Variants in NTM observed in about 807,000 individuals in gnomAD.
NTM encodes the protein neurotrimin.
In NTM, 13 loss-of-function variants were observed where a neutral mutation model predicts 42.1. That is an observed-to-expected ratio of 0.31 (90% CI 0.20 to 0.49). NTM has a LOEUF of 0.49. NTM is among the 20% of genes least tolerant of loss of function. The probability of loss-of-function intolerance (pLI) is 0.99; values close to 1 mark genes in which losing one functional copy is unlikely to be tolerated. For synonymous variants in NTM, 187 were observed against 179.2 expected (o/e 1.04, Z -0.35); for missense variants, 373 against 452.8 (o/e 0.82, Z 1.60).
chr11:131,696,332 G>A (rs957764679), intron 1 of NTM, among the ~76,000 whole-genome samples: 2 of 152,252 alleles, frequency 1.3e-5, no homozygotes, highest in African/African-American at 4.8e-5. Context: ...TTTTGTATGG[G>A]AGTCTCAAGT....
At chr11:131,606,648 C>G (rs897061822) in intron 1 of NTM, among the ~76,000 whole-genome samples, 7 of 152,120 alleles carry the variant, frequency 4.6e-5, no homozygotes, top group Non-Finnish European at 5.9e-5. Context: ...AAAAAGTGTT[C>G]TGTCAAGGGG....
At chr11:131,712,406 T>A (rs2077268785) in intron 1 of NTM, among the ~76,000 whole-genome samples, 1 of 152,086 alleles carries the variant, frequency 6.6e-6, no homozygotes. Flanking sequence ...TATTTATAGA[T>A]CTAAATATCT....
At chr11:131,626,074 G>T (rs547414408) in intron 1 of NTM, among the ~76,000 whole-genome samples, 2 of 152,082 alleles carry the variant, frequency 1.3e-5, no homozygotes, top group South Asian at 4.2e-4. Flanking sequence ...TTTTATAAGG[G>T]ATGAGATAAA....
At chr11:131,565,579 T>C (rs1302025043) in intron 1 of NTM, among the ~76,000 whole-genome samples, 1 of 152,250 alleles carries the variant, frequency 6.6e-6, no homozygotes, top group African/African-American at 2.4e-5. Context: ...GAGAGCAGTG[T>C]CTGGACTTTG....
chr11:131,862,256 T>C (rs73587514), intron 1 of NTM, among the ~76,000 whole-genome samples: 2,842 of 152,050 alleles, frequency 0.019, 89 homozygotes, highest in African/African-American at 0.065. Context: ...GGGCCAAGAG[T>C]ACAGAGAACA....
intron 1 of NTM, among the ~76,000 whole-genome samples, chr11:131,492,901 C>A (rs1037022071): frequency 1.4e-4 from 21 of 151,978 alleles, no homozygotes; most frequent in Admixed American, 1.2e-3. Context: ...GAATAACAAA[C>A]CTGTATGAGA....
intron 1 of NTM, among the ~76,000 whole-genome samples, chr11:131,822,671 A>G (rs1015412509): frequency 6.6e-6 from 1 of 152,150 alleles, no homozygotes; most frequent in Non-Finnish European, 1.5e-5. Context: ...GTAATGTGTT[A>G]CTTTCGTGTG....
intron 1 of NTM, among the ~76,000 whole-genome samples, chr11:131,825,096 C>T (rs1274812417): frequency 6.6e-6 from 1 of 152,116 alleles, no homozygotes; most frequent in Non-Finnish European, 1.5e-5. Context: ...AGAATCTGTT[C>T]CAGGCTTCTT....
rs542288106 is a variant in NTM at position 131,699,684 on chromosome 11, G to A, written c.83-211880G>A. Among the ~76,000 whole-genome samples the A allele has an allele frequency of 7.2e-5, 11 of 152,056 alleles. No individual in the cohort carries two copies. In the East Asian group the frequency reaches 7.7e-4, roughly 11 times the overall value. ...TCATGGAGGAAGGGGAAGCAAACGC[G>A]TCCTCCTTCACATGAAGGCAGGAAA... On this transcript the variant is annotated intron_variant, in intron 1 of 8. Transcript: ENST00000683400.
At chr11:132,183,301 G>A (rs1566405972) in intron 3 of NTM, among the ~76,000 whole-genome samples, 4 of 152,134 alleles carry the variant, frequency 2.6e-5, no homozygotes, top group Non-Finnish European at 5.9e-5. Flanking sequence ...ATACCCCACT[G>A]GCCACATTTG....
At chr11:131,711,958 A>C (rs1187419067) in intron 1 of NTM, among the ~76,000 whole-genome samples, 1 of 126,816 alleles carries the variant, frequency 7.9e-6, no homozygotes, top group Non-Finnish European at 1.6e-5. Context: ...CAGGAAGGGG[A>C]ACATCACACT....
intron 2 of NTM, among the ~76,000 whole-genome samples, chr11:132,137,670 G>T (rs2068212366): frequency 1.3e-5 from 2 of 152,168 alleles, no homozygotes; most frequent in African/African-American, 4.8e-5. Context: ...GAACAGGAAG[G>T]CACTGTTAAC....
rs747774029 is a variant in NTM at position 131,789,425 on chromosome 11, AGAAGG to A, written c.83-122138_83-122134del. ...TTGCTGCAGTTAAAAGAAAAAAAGAAGAAGGAAGAAGAAGAAGAAGAAGAAGAAGA... is the reference window on the plus strand; with the variant it reads ...TTGCTGCAGTTAAAAGAAAAAAAGAAAAGAAGAAGAAGAAGAAGAAGAAGA... On this transcript the variant is annotated intron_variant, in intron 1 of 8. Coordinates refer to ENST00000683400, the MANE Select transcript of NTM (RefSeq NM_001352005.2). 1.0e-4 allele frequency among the ~76,000 whole-genome samples: 2 copies of A among 19,358 alleles called. 1 individual carries two copies. The highest frequency in any genetic ancestry group is 5.5e-4 in the African/African-American group (2 of 3,638). The allele number at this position is 19,358 out of a possible 152,430, so 12.7% of individuals were successfully genotyped here.
intron 2 of NTM, among the ~76,000 whole-genome samples, chr11:132,113,541 C>T (rs1295208312): frequency 1.3e-5 from 2 of 152,172 alleles, no homozygotes; most frequent in Admixed American, 6.5e-5. Flanking sequence ...ACTGGATTCT[C>T]TCGCCGCACC....
intron 4 of NTM, among the ~76,000 whole-genome samples, chr11:132,257,744 G>A (rs929061260): frequency 1.3e-5 from 2 of 152,206 alleles, no homozygotes; most frequent in Non-Finnish European, 2.9e-5. Flanking sequence ...GATTGCTTGC[G>A]ATCATCCAAT....
chr11:132,153,404 A>T (rs557084782), intron 3 of NTM, among the ~76,000 whole-genome samples: 107 of 152,278 alleles, frequency 7.0e-4, no homozygotes, highest in Middle Eastern at 6.8e-3. Flanking sequence ...TAAGGGTTGG[A>T]TGAGGTCTCT....
intron 2 of NTM, among the ~76,000 whole-genome samples, chr11:132,034,508 G>A (rs2076281464): frequency 6.6e-6 from 1 of 152,190 alleles, no homozygotes; most frequent in Non-Finnish European, 1.5e-5. Flanking sequence ...GCTCAAGTGG[G>A]CAACTGGATA....
chr11:131,425,173 C>G (rs760996130), intron 1 of NTM, among the ~76,000 whole-genome samples: 1 of 152,214 alleles, frequency 6.6e-6, no homozygotes, highest in East Asian at 1.9e-4. Context: ...TTAGCCATTG[C>G]GCCTGGCTAG....
At chr11:132,208,518 G>C (rs550099450) in intron 3 of NTM, among the ~76,000 whole-genome samples, 53 of 152,268 alleles carry the variant, frequency 3.5e-4, no homozygotes, top group African/African-American at 1.3e-3. Context: ...TTAGTGGGGG[G>C]AGACAATTCT....
Sources: gnomAD v4.1 joint callset for allele counts (sites outside exome capture counted in the v4.1 genomes callset) on GRCh38, gnomAD v4.1.1 for gene constraint, MANE v1.5 for transcripts, NCBI Gene and HGNC (gene_info 2026-07-23, HGNC 2026-07-21) for gene names.